Variants in MAST2 observed in about 807,000 individuals in gnomAD.
MAST2 encodes the protein microtubule associated serine/threonine kinase 2, also known as microtubule-associated serine/threonine-protein kinase 2.
A neutral mutation model predicts 147.4 loss-of-function variants in MAST2; 70 were observed. The ratio of observed to expected loss-of-function variants is 0.47; its 90% CI spans 0.39 to 0.58. The LOEUF is 0.58. Ranked by LOEUF, MAST2 falls within the 20% of genes least tolerant of loss-of-function variation. The pLI, the probability that MAST2 is intolerant of heterozygous loss-of-function variation, is 0.00. For missense variants in MAST2, 2,080 were observed against 2,302.3 expected (o/e 0.90, Z 1.98); for synonymous variants, 869 against 896.8 (o/e 0.97, Z 0.55).
intron 16 of MAST2, among the ~76,000 whole-genome samples, chr1:46,026,303 CAG>C (rs1445865680): frequency 6.6e-6 from 1 of 152,092 alleles, no homozygotes. Context: ...GCAGAATGTG[CAG>C]AGTCACACAG....
At chr1:46,010,116 T>G (rs1645652606) in intron 9 of MAST2, among the ~76,000 whole-genome samples, 1 of 152,190 alleles carries the variant, frequency 6.6e-6, no homozygotes, top group South Asian at 2.1e-4. Flanking sequence ...TCCAAGCACC[T>G]GCCTAACTCC....
At chr1:45,970,802 T>TTG (rs796455936) in intron 5 of MAST2, among the ~76,000 whole-genome samples, 6 of 150,150 alleles carry the variant, frequency 4.0e-5, no homozygotes, top group South Asian at 2.1e-4. Context: ...AGAAGTGTTT[T>TTG]TTTTTTTTTT....
At chr1:45,908,300 A>G (rs1343611321) in intron 4 of MAST2, among the ~76,000 whole-genome samples, 1 of 152,298 alleles carries the variant, frequency 6.6e-6, no homozygotes, top group African/African-American at 2.4e-5. Context: ...TGCACCCATC[A>G]ACCCATAATC....
intron 1 of MAST2, among the ~76,000 whole-genome samples, chr1:45,815,721 C>A (rs1260679417): frequency 6.6e-6 from 1 of 151,984 alleles, no homozygotes; most frequent in East Asian, 1.9e-4. Flanking sequence ...TCACAAGGAC[C>A]CCTTGATTGA....
chr1:45,848,906 C>G (rs1264645165), intron 3 of MAST2, among the ~76,000 whole-genome samples: 1 of 152,008 alleles, frequency 6.6e-6, no homozygotes, highest in African/African-American at 2.4e-5. Context: ...AATTAACATA[C>G]AAAAAACCAC....
intron 4 of MAST2, among the ~76,000 whole-genome samples, chr1:45,938,849 CT>C (rs1004419108): frequency 6.6e-6 from 1 of 151,508 alleles, no homozygotes; most frequent in African/African-American, 2.4e-5. Context: ...ATTTGTATAT[CT>C]TTTTTGGTGG....
chr1:45,972,633 T>TA (rs1193138025), intron 5 of MAST2, among the ~76,000 whole-genome samples: 1 of 152,208 alleles, frequency 6.6e-6, no homozygotes, highest in African/African-American at 2.4e-5. Flanking sequence ...CATTATCCCT[T>TA]ACTCCTGTTT....
intron 3 of MAST2, among the ~76,000 whole-genome samples, chr1:45,840,116 CAGAA>C (rs1189647694): frequency 6.6e-6 from 1 of 152,200 alleles, no homozygotes; most frequent in Non-Finnish European, 1.5e-5. Flanking sequence ...TGGCTTTTAT[CAGAA>C]AGAAAAATTT....
Position 45,938,345 on chromosome 1 carries a change from A to T in MAST2, c.501-21041A>T, listed in dbSNP as rs143821602. 8.5e-5 allele frequency among the ~76,000 whole-genome samples: 13 copies of T among 152,084 alleles called. No homozygotes were observed. The East Asian group carries it at 2.3e-3, about 27-fold the overall frequency. On this transcript the variant is annotated intron_variant, in intron 4 of 28. Coordinates refer to ENST00000361297, the MANE Select transcript of MAST2 (RefSeq NM_015112.3). ...TGTTTACTTTTCTTTTTTCTTGGAG[A>T]TGGAGTCTCACTCTGTCATCCAGGT...
intron 8 of MAST2, among the ~76,000 whole-genome samples, chr1:46,006,922 A>T (rs1000151771): frequency 2.6e-5 from 4 of 152,210 alleles, no homozygotes; most frequent in Non-Finnish European, 5.9e-5. Context: ...GGCCAGCTAA[A>T]AAAGTTGCTG....
intron 4 of MAST2, among the ~76,000 whole-genome samples, chr1:45,916,097 G>A (rs576697566): frequency 3.3e-5 from 5 of 152,090 alleles, no homozygotes; most frequent in Non-Finnish European, 5.9e-5. Flanking sequence ...CCCATATTGT[G>A]TACCCACCTG....
chr1:45,856,878 G>A (rs1645808305), intron 3 of MAST2, among the ~76,000 whole-genome samples: 1 of 151,938 alleles, frequency 6.6e-6, no homozygotes, highest in South Asian at 2.1e-4. Flanking sequence ...ATCATATGTA[G>A]GGAGTAGACT....
chr1:45,918,061 G>T (rs1652850833), intron 4 of MAST2, among the ~76,000 whole-genome samples: 1 of 152,144 alleles, frequency 6.6e-6, no homozygotes, highest in Non-Finnish European at 1.5e-5. Flanking sequence ...CTGTCCTCAG[G>T]GAGCTTAGAT....
intron 3 of MAST2, among the ~76,000 whole-genome samples, chr1:45,852,909 A>C (rs1233265940): frequency 6.6e-6 from 1 of 151,808 alleles, no homozygotes. Flanking sequence ...ATTTTTTTAA[A>C]GCTATTAACT....
intron 11 of MAST2, among the ~76,000 whole-genome samples, chr1:46,020,654 CAT>C (rs1175888855): frequency 6.6e-5 from 10 of 152,122 alleles, no homozygotes; most frequent in Non-Finnish European, 1.0e-4. Flanking sequence ...ATATTTCTGT[CAT>C]ATAAGTTCCC....
chr1:46,012,177 G>GTAC (rs2149243478), intron 10 of MAST2, among the ~76,000 whole-genome samples: 1 of 152,312 alleles, frequency 6.6e-6, no homozygotes, highest in South Asian at 2.1e-4. Context: ...ATGGAAAGGG[G>GTAC]TACCCCAGAG....
rs201561766 is a variant in MAST2, at chr1:46,032,196, C to T, written c.3206C>T (p.Pro1069Leu). The change falls in exon 25 of 29, where the codon CCG (proline) becomes CTG (leucine). Residue 1069 changes from proline (P) to leucine (L), a missense_variant. Physicochemically the swap from Pro to Leu is moderately conservative, Grantham distance 98 (BLOSUM62 -3). Coordinates refer to ENST00000361297, the MANE Select transcript of MAST2 (RefSeq NM_015112.3). ...LIPSEHHTCS[P>L]LASPMSPHSQ... ...TCTCCAGAACACCACACCTGCTCCC[C>T]GTTGGCCAGCCCCATGTCCCCACAT... 28 of 1,614,172 alleles carry T rather than the reference C, an allele frequency of 1.7e-5. No homozygotes were observed. Among genetic ancestry groups the T allele is most frequent in the Admixed American group, 5.0e-5 (3 of 60,034 alleles).
intron 4 of MAST2, among the ~76,000 whole-genome samples, chr1:45,908,997 A>C (rs970076783): frequency 3.3e-5 from 5 of 152,306 alleles, no homozygotes; most frequent in Middle Eastern, 3.4e-3. Flanking sequence ...CGGTAATGTC[A>C]TAGTTACAGG....
chr1:45,900,134 C>T (rs941935049), intron 4 of MAST2, among the ~76,000 whole-genome samples: 2 of 139,474 alleles, frequency 1.4e-5, no homozygotes, highest in Non-Finnish European at 3.0e-5. Context: ...GGTGCCACTG[C>T]ACTCCAGCCT....
Sources: allele counts gnomAD v4.1 joint callset (sites outside exome capture counted in the v4.1 genomes callset), GRCh38; gene constraint gnomAD v4.1.1; transcripts MANE v1.5; gene names NCBI Gene and HGNC (gene_info 2026-07-23, HGNC 2026-07-21).